ZNF407: variants seen among roughly 807,000 people sequenced by gnomAD.
ZNF407 encodes zinc finger protein 407.
A neutral mutation model predicts 131.2 loss-of-function variants in ZNF407; 17 were observed. The observed-to-expected ratio is 0.13, with a 90% CI of 0.09 to 0.19. The LOEUF is 0.19. ZNF407 is among the 10% of genes least tolerant of loss of function. The pLI is 1.00. For missense variants in ZNF407, 2,681 were observed against 2,830.6 expected (o/e 0.95, Z 1.20); for synonymous variants, 1,156 against 1,062.0 (o/e 1.09, Z -1.72).
intron 8 of ZNF407, among the ~76,000 whole-genome samples, chr18:74,942,679 G>A (rs1046003758): frequency 1.3e-5 from 2 of 152,174 alleles, no homozygotes; most frequent in African/African-American, 2.4e-5. Context: ...GGAGCCCTGA[G>A]TCTGTCTGCC....
chr18:74,799,376 C>A (rs1969978661), intron 4 of ZNF407, among the ~76,000 whole-genome samples: 1 of 152,050 alleles, frequency 6.6e-6, no homozygotes, highest in Admixed American at 6.6e-5. Flanking sequence ...TCTTGCAGTA[C>A]AGGATCCCTT....
intron 3 of ZNF407, among the ~76,000 whole-genome samples, chr18:74,651,795 A>G (rs1424233696): frequency 6.6e-6 from 1 of 152,214 alleles, no homozygotes; most frequent in Non-Finnish European, 1.5e-5. Flanking sequence ...CTCAACAAAG[A>G]GAGCAATCAA....
rs546015464 is a variant in ZNF407 at position 75,044,173 on chromosome 18, C to T, written c.5429-18977C>T. 1.5e-3 allele frequency among the ~76,000 whole-genome samples: 224 copies of T among 152,098 alleles called. 1 individual carries two copies. Among genetic ancestry groups the T allele is most frequent in the Middle Eastern group, 6.8e-3 (2 of 294 alleles). On this transcript the variant is annotated intron_variant, in intron 8 of 8. Coordinates refer to ENST00000299687, the MANE Select transcript of ZNF407 (RefSeq NM_017757.3). ...TCTTATGTAAGGTTTTCATAATTTA[C>T]AGAACTGATATTAGATCCAGTGATA... is the stretch of plus-strand genomic sequence containing the variant.
chr18:74,674,077 A>G (rs1325039713), intron 3 of ZNF407, among the ~76,000 whole-genome samples: 2 of 152,218 alleles, frequency 1.3e-5, no homozygotes, highest in Non-Finnish European at 2.9e-5. Context: ...TTAAGTTTTG[A>G]TGCTTCGTCT....
intron 6 of ZNF407, among the ~76,000 whole-genome samples, chr18:74,887,622 T>C (rs977423721): frequency 6.6e-6 from 1 of 152,182 alleles, no homozygotes; most frequent in East Asian, 1.9e-4. Flanking sequence ...ATTTGTGTGC[T>C]TCTTTCATCT....
intron 1 of ZNF407, among the ~76,000 whole-genome samples, chr18:74,599,482 C>T (rs1445337449): frequency 6.6e-6 from 1 of 152,110 alleles, no homozygotes; most frequent in Non-Finnish European, 1.5e-5. Context: ...ATATACTTCC[C>T]TAGAGGATTT....
rs142651071 is a variant in ZNF407 at position 74,871,263 on chromosome 18, A to G, written c.4878-5934A>G. 3.9e-3 allele frequency among the ~76,000 whole-genome samples: 595 copies of G among 152,322 alleles called. 4 individuals are homozygous for G. Among genetic ancestry groups the G allele is most frequent in the African/African-American group, 0.013 (545 of 41,574 alleles). ...AAGAAATTCAGGTGGGAACCCTTCT[A>G]GGCAAAGACCACTTCATTTTCATTC... On this transcript the variant is annotated intron_variant, in intron 4 of 8. Coordinates refer to ENST00000299687, the MANE Select transcript of ZNF407 (RefSeq NM_017757.3).
chr18:74,852,685 G>A (rs918727006), intron 4 of ZNF407, among the ~76,000 whole-genome samples: 6 of 152,134 alleles, frequency 3.9e-5, no homozygotes, highest in Non-Finnish European at 8.8e-5. Context: ...GGGGGCAAAA[G>A]AAGGAAGTGA....
At position 74,676,461 on chromosome 18, in the gene ZNF407, G is replaced by C. The variant is rs553687497; in HGVS notation, c.4802+35339G>C. ...CATTTTTTTTTTTTTTTTTGAGACG[G>C]AGTCTCGCTCTGTCACCCAGGCTGG... is the stretch of plus-strand genomic sequence containing the variant. On this transcript the variant is annotated intron_variant, in intron 3 of 8. Transcript: ENST00000299687. Among the ~76,000 whole-genome samples the C allele has an allele frequency of 4.1e-5, 6 of 147,610 alleles. No individual in the cohort carries two copies. In the East Asian group the frequency reaches 1.2e-3, roughly 29 times the overall value.
At chr18:74,761,454 G>A (rs1192948725) in intron 3 of ZNF407, among the ~76,000 whole-genome samples, 1 of 151,916 alleles carries the variant, frequency 6.6e-6, no homozygotes, top group Non-Finnish European at 1.5e-5. Context: ...CACATTGTCT[G>A]AAAATATTTA....
At chr18:74,971,275 T>C (rs2145303531) in intron 8 of ZNF407, among the ~76,000 whole-genome samples, 1 of 152,354 alleles carries the variant, frequency 6.6e-6, no homozygotes, top group East Asian at 1.9e-4. Flanking sequence ...AACATTAGAC[T>C]GTTTGCTACT....
chr18:74,907,752 T>C (rs1251765295), intron 7 of ZNF407, among the ~76,000 whole-genome samples: 1 of 152,222 alleles, frequency 6.6e-6, no homozygotes, highest in Non-Finnish European at 1.5e-5. Context: ...ATTTAATGAC[T>C]TGTGGATCAT....
intron 4 of ZNF407, among the ~76,000 whole-genome samples, chr18:74,791,552 T>C (rs1340025603): frequency 6.6e-6 from 1 of 152,186 alleles, no homozygotes; most frequent in Non-Finnish European, 1.5e-5. Flanking sequence ...CATGAATTTA[T>C]CGATGCTGTC....
intron 3 of ZNF407, among the ~76,000 whole-genome samples, chr18:74,681,414 T>C (rs1307777677): frequency 6.6e-6 from 1 of 152,100 alleles, no homozygotes; most frequent in Non-Finnish European, 1.5e-5. Flanking sequence ...GGCTAAGTTT[T>C]AAATTTTTGG....
intron 8 of ZNF407, among the ~76,000 whole-genome samples, chr18:74,985,341 A>AT (rs34170723): frequency 0.17 from 25,203 of 152,182 alleles, 2,291 homozygotes; most frequent in Admixed American, 0.28. Flanking sequence ...AGAATTAGTT[A>AT]TTTTAGAGTT....
intron 4 of ZNF407, among the ~76,000 whole-genome samples, chr18:74,860,308 G>C (rs914537513): frequency 2.8e-5 from 3 of 108,906 alleles, no homozygotes; most frequent in African/African-American, 1.0e-4. Context: ...TAAAAAAAAC[G>C]AAGAAGAAGA....
chr18:74,846,067 A>G (rs762817160), intron 4 of ZNF407, among the ~76,000 whole-genome samples: 17 of 152,224 alleles, frequency 1.1e-4, no homozygotes, highest in Non-Finnish European at 2.1e-4. Context: ...TTAGGAAAGT[A>G]TCTAATTAAC....
chr18:75,028,330 C>T lies in ZNF407; in HGVS notation c.5429-34820C>T, dbSNP rs149598186. ...TCCTCTCTCCTTGGGTGGTGGATGACCGTCTTCCCTGTGTCTTCACGTGGC... is the reference window on the plus strand; with the variant it reads ...TCCTCTCTCCTTGGGTGGTGGATGATCGTCTTCCCTGTGTCTTCACGTGGC... On this transcript the variant is annotated intron_variant, in intron 8 of 8. Transcript: ENST00000299687. Among the ~76,000 whole-genome samples, 496 of 152,270 alleles carry T rather than the reference C, an allele frequency of 3.3e-3. 7 individuals carry two copies. Among genetic ancestry groups the T allele is most frequent in the African/African-American group, 0.011 (465 of 41,560 alleles).
chr18:75,034,728 A>G (rs1973287837), intron 8 of ZNF407, among the ~76,000 whole-genome samples: 1 of 152,036 alleles, frequency 6.6e-6, no homozygotes. Flanking sequence ...AATTAGGTAC[A>G]TTTTGTCATC....
Sources: gnomAD v4.1 joint callset for allele counts (sites outside exome capture counted in the v4.1 genomes callset) on GRCh38, gnomAD v4.1.1 for gene constraint, MANE v1.5 for transcripts, NCBI Gene and HGNC (gene_info 2026-07-23, HGNC 2026-07-21) for gene names.